The following ASTN2 variants were observed in gnomAD, a reference collection of about 807,000 sequenced individuals.
ASTN2 encodes the protein astrotactin 2.
In ASTN2, 54 loss-of-function variants were observed where a neutral mutation model predicts 139.8. That is an observed-to-expected ratio of 0.39 (90% CI 0.31 to 0.48). The LOEUF (loss-of-function observed/expected upper bound fraction) is 0.48. Among genes scored for constraint, ASTN2 ranks in the 20% least tolerant of loss-of-function variants. The probability of loss-of-function intolerance (pLI) is 0.95; values close to 1 mark genes in which losing one functional copy is unlikely to be tolerated. For missense variants in ASTN2, 1,565 were observed against 1,725.1 expected (o/e 0.91, Z 1.64); for synonymous variants, 756 against 719.5 (o/e 1.05, Z -0.81).
intron 19 of ASTN2, among the ~76,000 whole-genome samples, chr9:116,519,112 A>C (rs1425691365): frequency 6.6e-6 from 1 of 152,144 alleles, no homozygotes; most frequent in Non-Finnish European, 1.5e-5. Context: ...CAGAAAATCA[A>C]CAAAGAAACA....
At chr9:117,307,810 C>T (rs930857163) in intron 1 of ASTN2, among the ~76,000 whole-genome samples, 4 of 152,158 alleles carry the variant, frequency 2.6e-5, no homozygotes, top group East Asian at 1.9e-4. Context: ...TCCTTCTGAG[C>T]CTCTGAAATA....
intron 16 of ASTN2, chr9:116,686,852 G>T: frequency 6.5e-7 from 1 of 1,549,302 alleles, no homozygotes. Flanking sequence ...CACAGAACAT[G>T]AGGCCAAAGC....
In ASTN2 at chr9:117,255,741, A is replaced by G. The variant is rs1340219563; in HGVS notation, c.630+35585T>C. On this transcript the variant is annotated intron_variant, in intron 2 of 22. Transcript: ENST00000313400. ...GGCTGGAACACAGAATGTATGACAA[A>G]GAGAATTGCAATGGCTATTGCAAGC... 5.9e-5 allele frequency among the ~76,000 whole-genome samples: 9 copies of G among 152,286 alleles called. No homozygotes were observed. In the East Asian group the frequency reaches 1.7e-3, roughly 30 times the overall value.
At chr9:116,917,102 T>C (rs1364010911) in intron 10 of ASTN2, among the ~76,000 whole-genome samples, 1 of 152,160 alleles carries the variant, frequency 6.6e-6, no homozygotes, top group South Asian at 2.1e-4. Flanking sequence ...GCACACAGTC[T>C]GTGCATGTTG....
At chr9:116,843,689 T>C (rs992495797) in intron 11 of ASTN2, among the ~76,000 whole-genome samples, 6 of 148,338 alleles carry the variant, frequency 4.0e-5, no homozygotes, top group African/African-American at 1.5e-4. Flanking sequence ...GGGAGCTATA[T>C]ATTGGGTACT....
intron 5 of ASTN2, among the ~76,000 whole-genome samples, chr9:117,084,637 T>C (rs6478280): frequency 0.91 from 138,137 of 152,292 alleles, 62,780 homozygotes; most frequent in East Asian, 0.97. Context: ...AAGTGACACT[T>C]AATACATAGT....
chr9:116,847,447 G>C (rs1026649733), intron 11 of ASTN2, among the ~76,000 whole-genome samples: 1 of 152,168 alleles, frequency 6.6e-6, no homozygotes, highest in Admixed American at 6.5e-5. Flanking sequence ...GCTGAGGCAA[G>C]GGAGGCCAGG....
intron 4 of ASTN2, among the ~76,000 whole-genome samples, chr9:117,109,320 G>A (rs910375571): frequency 6.8e-6 from 1 of 146,494 alleles, no homozygotes; most frequent in Admixed American, 6.9e-5. Context: ...AACACAGAGG[G>A]AGACCCTGTC....
In ASTN2 at chr9:117,100,533, A is replaced by G. The variant is rs530082315; in HGVS notation, c.1169-4382T>C. Among the ~76,000 whole-genome samples, 7 of 152,382 alleles carry G rather than the reference A, an allele frequency of 4.6e-5. No homozygotes were observed. The South Asian group carries it at 8.3e-4, about 18-fold the overall frequency. On this transcript the variant is annotated intron_variant, in intron 4 of 22. Coordinates refer to ENST00000313400, the MANE Select transcript of ASTN2 (RefSeq NM_001365068.1). ...TACCGAAGTATTTTATATATTTTTC[A>G]TAAGTCTTCAAAACCCAGTATGCAT...
At chr9:116,482,715 C>T (rs1849212641) in intron 20 of ASTN2, among the ~76,000 whole-genome samples, 2 of 152,172 alleles carry the variant, frequency 1.3e-5, no homozygotes, top group South Asian at 4.1e-4. Flanking sequence ...TTTTCTTCTA[C>T]TCTTCCAACT....
chr9:117,083,051 C>T (rs1314423997), intron 5 of ASTN2, among the ~76,000 whole-genome samples: 1 of 152,076 alleles, frequency 6.6e-6, no homozygotes, highest in Non-Finnish European at 1.5e-5. Flanking sequence ...TATATTTATT[C>T]ATGTGTCTAT....
chr9:117,293,257 T>TG (rs1309689189), intron 1 of ASTN2, among the ~76,000 whole-genome samples: 1 of 152,148 alleles, frequency 6.6e-6, no homozygotes, highest in Non-Finnish European at 1.5e-5. Context: ...CATGCTGTCT[T>TG]GCCTGGCTTA....
intron 1 of ASTN2, among the ~76,000 whole-genome samples, chr9:117,321,758 A>C (rs1828331807): frequency 2.6e-5 from 4 of 152,142 alleles, no homozygotes. Context: ...TTCACATTTT[A>C]AGCCAGATAA....
At chr9:117,011,775 T>C (rs551493725) in intron 6 of ASTN2, among the ~76,000 whole-genome samples, 88 of 152,330 alleles carry the variant, frequency 5.8e-4, no homozygotes, top group Non-Finnish European at 1.0e-3. Context: ...GAAATTGACA[T>C]GGTCAAATTT....
intron 13 of ASTN2, among the ~76,000 whole-genome samples, chr9:116,761,517 G>A (rs1404302513): frequency 6.6e-6 from 1 of 152,148 alleles, no homozygotes; most frequent in African/African-American, 2.4e-5. Flanking sequence ...AATCAAGAAT[G>A]AATCAGAGTA....
At chr9:116,551,666 C>A (rs1237550524) in intron 19 of ASTN2, among the ~76,000 whole-genome samples, 1 of 152,184 alleles carries the variant, frequency 6.6e-6, no homozygotes, top group Non-Finnish European at 1.5e-5. Context: ...GTCTTTTCCT[C>A]CAGCACCCCC....
At chr9:117,344,577 C>G (rs1242236512) in intron 1 of ASTN2, among the ~76,000 whole-genome samples, 1 of 152,130 alleles carries the variant, frequency 6.6e-6, no homozygotes, top group Non-Finnish European at 1.5e-5. Context: ...GCGCACACAC[C>G]CCATAGAGTG....
chr9:116,884,979 C>T (rs1217059646), intron 10 of ASTN2, among the ~76,000 whole-genome samples: 2 of 151,962 alleles, frequency 1.3e-5, no homozygotes, highest in African/African-American at 4.8e-5. Flanking sequence ...CTGTGCCCGG[C>T]TAATTTTTTG....
At chr9:117,110,396 C>T (rs571413691) in intron 4 of ASTN2, among the ~76,000 whole-genome samples, 9 of 152,140 alleles carry the variant, frequency 5.9e-5, no homozygotes, top group East Asian at 3.9e-4. Context: ...AATGGAAAAT[C>T]GCCTTAATAT....
Sources: gnomAD v4.1 joint callset for allele counts (sites outside exome capture counted in the v4.1 genomes callset) on GRCh38, gnomAD v4.1.1 for gene constraint, MANE v1.5 for transcripts, NCBI Gene and HGNC (gene_info 2026-07-23, HGNC 2026-07-21) for gene names.